DNAJC13: variants seen among roughly 807,000 people sequenced by gnomAD.
The protein encoded by DNAJC13 is DnaJ heat shock protein family (Hsp40) member C13.
Under a neutral mutation model 290.5 loss-of-function variants are expected in DNAJC13, and 75 were observed. The observed-to-expected ratio is 0.26, with a 90% CI of 0.21 to 0.31. DNAJC13 has a LOEUF of 0.31. Among genes scored for constraint, DNAJC13 ranks in the 10% least tolerant of loss-of-function variants. DNAJC13 has a pLI of 1.00. For missense variants in DNAJC13, 2,260 were observed against 2,674.5 expected (o/e 0.85, Z 3.42); for synonymous variants, 862 against 892.0 (o/e 0.97, Z 0.60).
intron 33 of DNAJC13, 74 bp downstream of exon 33, chr3:132,492,689 T>A: frequency 7.6e-7 from 1 of 1,319,582 alleles, no homozygotes; most frequent in Non-Finnish European, 1.1e-6. Flanking sequence ...TATTTTGTCC[T>A]CCTGCAGTAA....
Position 132,514,646 on chromosome 3 carries a change from G to A in DNAJC13, c.5461G>A (p.Ala1821Thr), listed in dbSNP as rs770007244. ...AESMVLSSLL[A>T]LLHSLPSSRQ... is the part of the protein sequence containing the mutation. Reference sequence around the variant, plus strand: ...ATCAATGGTTTTGTCCAGTTTATTGGCTCTTCTACATTCATTGCCATCAAG... The same window carrying A: ...ATCAATGGTTTTGTCCAGTTTATTGACTCTTCTACATTCATTGCCATCAAG... The change falls in exon 46 of 56, where the codon GCT becomes ACT. Residue 1821 changes from alanine to threonine, a missense_variant. By Grantham distance (58) the Ala-to-Thr change is moderately conservative. This residue lies in a region of DNAJC13 where 1,494 missense variants were observed against 1,693.7 expected (regional missense o/e 0.88). Coordinates refer to ENST00000260818, the MANE Select transcript of DNAJC13 (RefSeq NM_015268.4). The A allele has an allele frequency of 6.2e-7, 1 of 1,610,560 alleles. No homozygotes were observed. Among genetic ancestry groups the A allele is most frequent in the Admixed American group, 1.7e-5 (1 of 59,544 alleles).
chr3:132,431,090 A>G (rs1939227304), intron 1 of DNAJC13, among the ~76,000 whole-genome samples: 1 of 152,226 alleles, frequency 6.6e-6, no homozygotes, highest in Non-Finnish European at 1.5e-5. Flanking sequence ...ACAAAACCCT[A>G]TTTGGGAGTC....
At chr3:132,531,126 G>T in intron 55 of DNAJC13, 29 bp downstream of exon 55, 1 of 1,600,016 alleles carries the variant, frequency 6.2e-7, no homozygotes, top group South Asian at 1.1e-5. Flanking sequence ...GTTATTGTAA[G>T]ACACCTGGCA....
rs1180498842 is a variant in DNAJC13 at position 132,466,083 on chromosome 3, A to C, written c.1968+13A>C. 4 of 1,607,326 alleles carry C rather than the reference A, an allele frequency of 2.5e-6. No homozygotes were observed. ...GAAACGCATTTTGGTAAGTCAGTTG[A>C]GAAATTAGGTTATATACTGCCTAAT... On this transcript the variant is annotated intron_variant, in intron 18 of 55. Transcript: ENST00000260818.
intron 1 of DNAJC13, among the ~76,000 whole-genome samples, chr3:132,430,722 C>A (rs563449090): frequency 2.6e-4 from 40 of 151,420 alleles, no homozygotes; most frequent in South Asian, 2.5e-3. Context: ...ACCTATATAT[C>A]TCTCTCTCTC....
chr3:132,449,717 A>G (rs1293363538), intron 5 of DNAJC13, among the ~76,000 whole-genome samples: 1 of 152,182 alleles, frequency 6.6e-6, no homozygotes, highest in Non-Finnish European at 1.5e-5. Flanking sequence ...TTATTTCAGT[A>G]TCAGAAATAG....
At chr3:132,436,415 G>A (rs987448527) in intron 2 of DNAJC13, among the ~76,000 whole-genome samples, 1 of 152,162 alleles carries the variant, frequency 6.6e-6, no homozygotes, top group Non-Finnish European at 1.5e-5. Flanking sequence ...ATAATCTGTT[G>A]TATGGATATA....
Position 132,499,106 on chromosome 3 carries a change from C to T in DNAJC13, c.4157-20C>T. ...TCAATTTTGTTTTGTTTTTCTAACA[C>T]TAACCATTGGTTATTTCAGATTTAC... On this transcript the variant is annotated intron_variant, in intron 36 of 55. Coordinates refer to ENST00000260818, the MANE Select transcript of DNAJC13 (RefSeq NM_015268.4). 1 of 1,544,302 alleles carries T rather than the reference C, an allele frequency of 6.5e-7. No individual in the cohort carries two copies. Among genetic ancestry groups the T allele is most frequent in the East Asian group, 2.3e-5 (1 of 43,504 alleles).
chr3:132,471,443 C>T (rs1448093604), intron 20 of DNAJC13, among the ~76,000 whole-genome samples: 23 of 143,272 alleles, frequency 1.6e-4, no homozygotes, highest in South Asian at 4.7e-4. Context: ...CTCCTCACTT[C>T]TCAGACGGGG....
Position 132,496,630 on chromosome 3 carries a change from A to G in DNAJC13, c.4123A>G (p.Thr1375Ala), listed in dbSNP as rs781704730. 2.5e-6 allele frequency: 4 copies of G among 1,610,898 alleles called. No individual in the cohort carries two copies. Among genetic ancestry groups the G allele is most frequent in the African/African-American group, 1.3e-5 (1 of 74,804 alleles). The change falls in exon 36 of 56, where the codon ACA becomes GCA. Residue 1375 changes from threonine to alanine, a missense_variant. By Grantham distance (58) the Thr-to-Ala change is moderately conservative. Around this residue, in one of 3 missense-constraint regions of DNAJC13, gnomAD observed 1,494 missense variants for 1,693.7 expected, o/e 0.88. Transcript: ENST00000260818. ...AGAGAATATAATTTTAATTCTAAAA[A>G]CACAGAGCATCCTCTTCAACCGTCA... The part of the protein sequence containing the change: ...DPENIILILK[T>A]QSILFNRHKE...
At chr3:132,425,258 G>A (rs1007177887) in intron 1 of DNAJC13, among the ~76,000 whole-genome samples, 1 of 151,996 alleles carries the variant, frequency 6.6e-6, no homozygotes, top group Admixed American at 6.6e-5. Context: ...GAAGTATTAC[G>A]TTCATAAATT....
At chr3:132,497,802 C>A (rs1321088869) in intron 36 of DNAJC13, among the ~76,000 whole-genome samples, 11 of 151,978 alleles carry the variant, frequency 7.2e-5, no homozygotes, top group Admixed American at 7.2e-4. Context: ...AGGTGGAGGT[C>A]CTGATCTGAC....
At position 132,528,479 on chromosome 3, in the gene DNAJC13, C is replaced by A. The variant is rs1434976630; in HGVS notation, c.6525+147C>A. 20 of 905,696 alleles carry A rather than the reference C, an allele frequency of 2.2e-5. No individual in the cohort carries two copies. The South Asian group carries it at 3.3e-4, about 15-fold the overall frequency. 56.1% of individuals were successfully genotyped at this position (905,696 alleles called of 1,614,324 possible). On this transcript the variant is annotated intron_variant, in intron 54 of 55. Transcript: ENST00000260818. The stretch of plus-strand genomic sequence containing the variant: ...GATCCAGAGCCCAAGGATGGACTTG[C>A]ATACCTGCCTCATAACTGATGAAAA...
chr3:132,425,593 C>T (rs1299751832), intron 1 of DNAJC13, among the ~76,000 whole-genome samples: 6 of 152,064 alleles, frequency 3.9e-5, no homozygotes, highest in Non-Finnish European at 5.9e-5. Flanking sequence ...AAGTAAGTTC[C>T]GTTCTTGCAT....
At position 132,478,314 on chromosome 3, in the gene DNAJC13, A is replaced by ACAT. The variant is rs1325569364; in HGVS notation, c.2709+174_2709+175insCAT. ...GAGTTAGATGAATAGGAAAATGAATAATGGGTTAGAATTTGTCCATGTCAC... is the reference window on the plus strand; with the variant it reads ...GAGTTAGATGAATAGGAAAATGAATACATATGGGTTAGAATTTGTCCATGTCAC... On this transcript the variant is annotated intron_variant, in intron 24 of 55. Coordinates refer to ENST00000260818, the MANE Select transcript of DNAJC13 (RefSeq NM_015268.4). 3.3e-4 allele frequency among the ~76,000 whole-genome samples: 51 copies of ACAT among 152,336 alleles called. 1 individual carries two copies. In the South Asian group the frequency reaches 4.1e-3, roughly 12 times the overall value.
Position 132,513,052 on chromosome 3 carries a change from C to G in DNAJC13, c.5338C>G (p.Leu1780Val), listed in dbSNP as rs764010749. Residue 1780 changes from leucine to valine, a missense_variant, in exon 45 of 56, where the codon CTT (leucine) becomes GTT (valine). Around this residue, in one of 3 missense-constraint regions of DNAJC13, gnomAD observed 1,494 missense variants for 1,693.7 expected, o/e 0.88. Coordinates refer to ENST00000260818, the MANE Select transcript of DNAJC13 (RefSeq NM_015268.4). ...CIGHFKLIFS[L>V]LRVHGAGQVQ... Reference sequence around the variant, plus strand: ...TGGGCACTTTAAGTTGATATTTTCTCTTCTCCGAGTTCATGGAGCTGGTCA... The same window carrying G: ...TGGGCACTTTAAGTTGATATTTTCTGTTCTCCGAGTTCATGGAGCTGGTCA... 1 of 1,613,380 alleles carries G rather than the reference C, an allele frequency of 6.2e-7. No homozygotes were observed. Among genetic ancestry groups the G allele is most frequent in the Admixed American group, 1.7e-5 (1 of 59,986 alleles).
In DNAJC13 at chr3:132,478,936, T is replaced by G. The variant is rs556180800; in HGVS notation, c.2710-291T>G. Among the ~76,000 whole-genome samples the G allele has an allele frequency of 5.3e-5, 8 of 152,164 alleles. No individual in the cohort carries two copies. In the East Asian group the frequency reaches 1.5e-3, roughly 29 times the overall value. Reference sequence around the variant, plus strand: ...TATCATTTGGACCAATTATTTCACTTACATTATTTCACTTACTTCAATTTT... The same window carrying G: ...TATCATTTGGACCAATTATTTCACTGACATTATTTCACTTACTTCAATTTT... On this transcript the variant is annotated intron_variant, in intron 24 of 55. Coordinates refer to ENST00000260818, the MANE Select transcript of DNAJC13 (RefSeq NM_015268.4).
At chr3:132,505,258 A>C (rs766090415) in intron 41 of DNAJC13, 44 bp from the exon 42 acceptor site, 1 of 1,254,320 alleles carries the variant, frequency 8.0e-7, no homozygotes, top group East Asian at 2.3e-5. Flanking sequence ...AATGTCAATA[A>C]GTTTTTTCAC....
chr3:132,510,448 C>T (rs556281757), intron 43 of DNAJC13, among the ~76,000 whole-genome samples: 17 of 152,142 alleles, frequency 1.1e-4, no homozygotes, highest in African/African-American at 3.9e-4. Flanking sequence ...GTCTCAAACT[C>T]CTGGCCTCAA....
Sources: gnomAD v4.1 joint callset for allele counts (sites outside exome capture counted in the v4.1 genomes callset) on GRCh38, gnomAD v4.1.1 for gene constraint, gnomAD v4.1.1 regional missense constraint, MANE v1.5 for transcripts, NCBI Gene and HGNC (gene_info 2026-07-23, HGNC 2026-07-21) for gene names.